CEP135: variants seen among roughly 807,000 people sequenced by gnomAD.
The protein encoded by CEP135 is centrosomal protein 135.
A neutral mutation model predicts 157.3 loss-of-function variants in CEP135; 142 were observed. The observed-to-expected ratio is 0.90, with a 90% CI of 0.79 to 1.04. The LOEUF is 1.04. CEP135 is among the 50% of genes least tolerant of loss of function. CEP135 has a pLI of 0.00. For missense variants in CEP135, 1,317 were observed against 1,309.2 expected (o/e 1.01, Z -0.09); for synonymous variants, 396 against 439.8 (o/e 0.90, Z 1.25).
rs574020325 is a variant in CEP135 at position 55,977,079 on chromosome 4, C to T, written c.1473+2110C>T. On this transcript the variant is annotated intron_variant, in intron 11 of 25. Coordinates refer to ENST00000257287, the MANE Select transcript of CEP135 (RefSeq NM_025009.5). ...TCAAGTGATCTGCCTGCCTTGGCCT[C>T]CCAAAGTGCTGGGATTACAGACGTG... Among the ~76,000 whole-genome samples the T allele has an allele frequency of 5.9e-5, 9 of 152,060 alleles. No homozygotes were observed. In the South Asian group the frequency reaches 1.9e-3, roughly 32 times the overall value.
intron 22 of CEP135, among the ~76,000 whole-genome samples, chr4:56,018,521 G>A (rs762612223): frequency 9.9e-5 from 15 of 152,278 alleles, no homozygotes; most frequent in Non-Finnish European, 1.9e-4. Flanking sequence ...ACTTTGGGAA[G>A]TCGAGTCAGG....
In CEP135 at chr4:56,019,393, T is replaced by C; in HGVS notation, c.3053T>C (p.Leu1018Pro). The change falls in exon 23 of 26, where the codon CTA becomes CCA. Residue 1018 changes from leucine (L) to proline (P), a missense_variant. Coordinates refer to ENST00000257287, the MANE Select transcript of CEP135 (RefSeq NM_025009.5). ...ELENVKSESDLLKKQLSNERH... is the reference protein window; with the variant it reads ...ELENVKSESDPLKKQLSNERH... ...GAAAATGTAAAGTCAGAGTCAGACC[T>C]ACTGAAAAAACAACTTTCAAATGAG... 6.2e-7 allele frequency: 1 copy of C among 1,613,724 alleles called. No individual in the cohort carries two copies. The highest frequency in any genetic ancestry group is 8.5e-7 in the Non-Finnish European group (1 of 1,179,894).
At chr4:55,974,992 G>C in intron 11 of CEP135, 23 bp downstream of exon 11, 3 of 1,479,060 alleles carry the variant, frequency 2.0e-6, no homozygotes, top group Non-Finnish European at 2.8e-6. Flanking sequence ...TATAAGAGTA[G>C]GCCAGAAAGT....
chr4:55,970,247 A>G (rs1375879566), intron 9 of CEP135, among the ~76,000 whole-genome samples: 4 of 152,180 alleles, frequency 2.6e-5, no homozygotes, highest in African/African-American at 9.7e-5. Context: ...GTAGTCTTCA[A>G]ATAACAAAGG....
chr4:56,016,741 C>T, intron 21 of CEP135, among the ~76,000 whole-genome samples: 1 of 151,936 alleles, frequency 6.6e-6, no homozygotes, highest in East Asian at 1.9e-4. Context: ...AATGGCTTAA[C>T]CACAGTTCAC....
intron 2 of CEP135, 38 bp downstream of exon 2, chr4:55,952,281 C>G (rs1313767106): frequency 8.6e-7 from 1 of 1,161,992 alleles, no homozygotes. Flanking sequence ...TTTATGATCC[C>G]TAACCACTTA....
Position 56,010,179 on chromosome 4 carries a change from C to T in CEP135, c.2505+276C>T, listed in dbSNP as rs527249246. On this transcript the variant is annotated intron_variant, in intron 19 of 25. Coordinates refer to ENST00000257287, the MANE Select transcript of CEP135 (RefSeq NM_025009.5). ...AGCCTGGCCAACATTGTGAAAACCC[C>T]CCCCCCACCCCCATCTCTACTAAAA... Among the ~76,000 whole-genome samples the T allele has an allele frequency of 5.2e-3, 666 of 127,192 alleles. 8 individuals are homozygous for T. The highest frequency in any genetic ancestry group is 0.018 in the African/African-American group (636 of 35,560). 83.4% of individuals were successfully genotyped at this position (127,192 alleles called of 152,430 possible).
chr4:55,980,437 C>T, intron 12 of CEP135, 142 bp downstream of exon 12: 2 of 520,384 alleles, frequency 3.8e-6, no homozygotes, highest in Non-Finnish European at 6.5e-6. Flanking sequence ...GTAGTTTCTA[C>T]TATCATTCTG....
intron 19 of CEP135, among the ~76,000 whole-genome samples, 183 bp from the exon 20 acceptor site, chr4:56,011,229 T>A (rs1281470356): frequency 6.6e-6 from 1 of 152,156 alleles, no homozygotes; most frequent in Non-Finnish European, 1.5e-5. Flanking sequence ...AATGAGACTC[T>A]GTCTGAAATA....
rs755970613 is a variant in CEP135, at chr4:56,008,368, T to C, written c.2322T>C (p.Cys774=). The C allele has an allele frequency of 1.9e-6, 3 of 1,609,864 alleles. No individual in the cohort carries two copies. The South Asian group carries it at 3.3e-5, about 18-fold the overall frequency. ...AAATGAAGATAATGATCTCAGAGTGTGAATCATCTGTGAAGTAAGTCATTA... is the reference window on the plus strand; with the variant it reads ...AAATGAAGATAATGATCTCAGAGTGCGAATCATCTGTGAAGTAAGTCATTA... The part of the protein sequence containing the change: ...VAQMKIMISE[C]ESSVNQLKET... Residue 774 remains cysteine (C), a synonymous_variant, in exon 18 of 26, where the codon TGT becomes TGC. Coordinates refer to ENST00000257287, the MANE Select transcript of CEP135 (RefSeq NM_025009.5).
At chr4:55,997,866 A>G (rs11133419) in intron 15 of CEP135, among the ~76,000 whole-genome samples, 34,513 of 152,160 alleles carry the variant, frequency 0.23, 4,041 homozygotes, top group Middle Eastern at 0.26. Context: ...AATACGGTGC[A>G]GTCACCTGAA....
chr4:56,002,181 G>T (rs1208373624), intron 17 of CEP135, among the ~76,000 whole-genome samples: 2 of 151,980 alleles, frequency 1.3e-5, no homozygotes. Flanking sequence ...AGATCATGTG[G>T]TCTGCATATA....
chr4:55,982,324 G>T (rs1230109633), intron 13 of CEP135, among the ~76,000 whole-genome samples: 4 of 152,110 alleles, frequency 2.6e-5, no homozygotes, highest in African/African-American at 9.7e-5. Context: ...TTTCTCTTGG[G>T]TATATTCCTG....
chr4:55,991,170 G>A (rs555222631), intron 14 of CEP135, among the ~76,000 whole-genome samples: 1 of 151,948 alleles, frequency 6.6e-6, no homozygotes, highest in South Asian at 2.1e-4. Context: ...TAGGGATGGG[G>A]TTTCACCGTG....
intron 22 of CEP135, among the ~76,000 whole-genome samples, chr4:56,018,669 A>C (rs946747591): frequency 1.3e-5 from 2 of 152,076 alleles, no homozygotes; most frequent in African/African-American, 2.4e-5. Context: ...GAGGCAGGGA[A>C]GGTTCACTTG....
At chr4:55,999,259 A>C in intron 15 of CEP135, 43 bp from the exon 16 acceptor site, 1 of 1,366,140 alleles carries the variant, frequency 7.3e-7, no homozygotes, top group Non-Finnish European at 1.0e-6. Context: ...TATTTCTATG[A>C]GAGATAAAGA....
At chr4:56,003,865 C>T (rs1368676763) in intron 17 of CEP135, among the ~76,000 whole-genome samples, 2 of 151,982 alleles carry the variant, frequency 1.3e-5, no homozygotes, top group Non-Finnish European at 1.5e-5. Flanking sequence ...GTACTACAGA[C>T]GTGTACTACC....
chr4:55,958,974 A>G (rs1266230535), intron 5 of CEP135, among the ~76,000 whole-genome samples: 1 of 152,160 alleles, frequency 6.6e-6, no homozygotes, highest in Admixed American at 6.5e-5. Flanking sequence ...GGTCCCAGGT[A>G]CTTGGGAGGC....
chr4:55,994,811 G>A (rs574141488), intron 15 of CEP135, among the ~76,000 whole-genome samples: 1 of 150,726 alleles, frequency 6.6e-6, no homozygotes, highest in Non-Finnish European at 1.5e-5. Context: ...TCAGCCTCCC[G>A]AGTAGCTGGG....
Sources: gnomAD v4.1 joint callset for allele counts (sites outside exome capture counted in the v4.1 genomes callset) on GRCh38, gnomAD v4.1.1 for gene constraint, MANE v1.5 for transcripts, NCBI Gene and HGNC (gene_info 2026-07-23, HGNC 2026-07-21) for gene names.